The following LCK variants were observed in gnomAD, a reference collection of about 807,000 sequenced individuals.
LCK encodes tyrosine-protein kinase Lck.
A neutral mutation model predicts 64.6 loss-of-function variants in LCK; 14 were observed. The observed-to-expected ratio is 0.22, with a 90% confidence interval of 0.14 to 0.34. The LOEUF (loss-of-function observed/expected upper bound fraction) is 0.34, where lower values mean the gene tolerates loss of function less well. Ranked by LOEUF, LCK falls within the 10% of genes least tolerant of loss-of-function variation. The probability of loss-of-function intolerance (pLI) is 1.00; values close to 1 mark genes in which losing one functional copy is unlikely to be tolerated. For synonymous variants in LCK, 277 were observed against 263.6 expected, an observed-to-expected ratio of 1.05 and a Z score of -0.49; for missense variants, 434 against 668.1, an observed-to-expected ratio of 0.65 and a Z score of 3.86.
Position 32,285,950 on chromosome 1 carries a change from G to A in LCK, c.*234G>A. The stretch of plus-strand genomic sequence containing the variant: ...CATGTATGTCTTGGACACTGTACAA[G>A]GTACCCCTTTCTGGCTCTCCCATTT... On this transcript the variant is annotated 3_prime_UTR_variant, in exon 13 of 13. Transcript: ENST00000336890. 1.8e-6 allele frequency: 1 copy of A among 544,002 alleles called. No homozygotes were observed. Among genetic ancestry groups the A allele is most frequent in the Admixed American group, 3.1e-5 (1 of 32,330 alleles). 33.7% of individuals were successfully genotyped at this position (544,002 alleles called of 1,614,324 possible).
rs772820417 is a variant in LCK at position 32,274,284 on chromosome 1, T to C, written c.-5-41T>C. On this transcript the variant is annotated intron_variant, in intron 1 of 12. Transcript: ENST00000336890. ...TTATATCTGATGTTGGGGGAGCAGA[T>C]CTTGGGGGAGCCCCTTCAGCCCCCT... The C allele has an allele frequency of 4.3e-6, 7 of 1,613,516 alleles. No individual in the cohort carries two copies. The African/African-American group carries it at 6.7e-5, about 15-fold the overall frequency.
chr1:32,274,174 T>G (rs1228180733), intron 1 of LCK, 151 bp from the exon 2 acceptor site: 1 of 1,478,942 alleles, frequency 6.8e-7, no homozygotes, highest in African/African-American at 1.4e-5. Flanking sequence ...GGACCCCCTA[T>G]TTTAGCTTTT....
intron 1 of LCK, among the ~76,000 whole-genome samples, chr1:32,257,656 C>T (rs1298971295): frequency 1.3e-5 from 2 of 152,052 alleles, no homozygotes; most frequent in South Asian, 2.1e-4. Context: ...CTCCCAGAAA[C>T]GTTTATAAAG....
At position 32,274,747 on chromosome 1, in the gene LCK, G is replaced by T; in HGVS notation, c.116G>T (p.Arg39Leu). The T allele has an allele frequency of 1.3e-6, 2 of 1,590,318 alleles. No homozygotes were observed. Among genetic ancestry groups the T allele is most frequent in the Non-Finnish European group, 1.7e-6 (2 of 1,165,876 alleles). Residue 39 changes from arginine to leucine, a missense_variant, in exon 3 of 13, where the codon CGA becomes CTA. Around this residue, in one of 2 missense-constraint regions of LCK, gnomAD observed 233 missense variants for 291.2 expected, o/e 0.80. Transcript: ENST00000336890. ...PLDGKGTLLI[R>L]NGSEVRDPLV... is the part of the protein sequence containing the mutation. ...TCCCCCACTCCACAGCTGCTCATCC[G>T]AAATGGCTCTGAGGTGCGGGACCCA...
In LCK at chr1:32,284,278, G is replaced by GATATATATATCTGTGAGAT. The variant is rs1335005353; in HGVS notation, c.1328-1217_1328-1199dup. On this transcript the variant is annotated intron_variant, in intron 12 of 12. Coordinates refer to ENST00000336890, the MANE Select transcript of LCK (RefSeq NM_005356.5). The stretch of plus-strand genomic sequence containing the variant: ...TATATATATATATATATATCTGTGA[G>GATATATATATCTGTGAGAT]ATATATATATCTGTGAGATATATAT... Among the ~76,000 whole-genome samples the GATATATATATCTGTGAGAT allele has an allele frequency of 2.1e-4, 31 of 145,970 alleles. No homozygotes were observed. The East Asian group carries it at 5.0e-3, about 24-fold the overall frequency.
chr1:32,272,065 CT>C (rs533889876), intron 1 of LCK, among the ~76,000 whole-genome samples: 22 of 152,212 alleles, frequency 1.4e-4, no homozygotes, highest in African/African-American at 5.3e-4. Context: ...AGGAGAATTG[CT>C]TGAGGCCAGG....
At chr1:32,281,573 T>C (rs1273345723) in intron 12 of LCK, among the ~76,000 whole-genome samples, 1 of 152,084 alleles carries the variant, frequency 6.6e-6, no homozygotes, top group Admixed American at 6.6e-5. Context: ...CACCATCTCC[T>C]GGACAAAGCC....
chr1:32,274,970 C>T, intron 3 of LCK, 23 bp from the exon 4 acceptor site: 1 of 1,614,218 alleles, frequency 6.2e-7, no homozygotes, highest in African/African-American at 1.3e-5. Flanking sequence ...CTCGGTTCTC[C>T]CTGATGCCCC....
At chr1:32,280,443 CTTTTTTT>C (rs770430504) in intron 12 of LCK, among the ~76,000 whole-genome samples, 111 of 84,740 alleles carry the variant, frequency 1.3e-3, no homozygotes, top group African/African-American at 4.5e-3. Context: ...TTTTCTTTTT[CTTTTTTT>C]TTTTTTTTTT....
chr1:32,274,738 T>G lies in LCK; in HGVS notation c.107T>G (p.Leu36Arg), dbSNP rs755220816. ...PIVPLDGKGT[L>R]LIRNGSEVRD... ...CCACCCTCATCCCCCACTCCACAGC[T>G]GCTCATCCGAAATGGCTCTGAGGTG... The change falls in exon 3 of 13, where the codon CTG (leucine) becomes CGG (arginine). Residue 36 changes from leucine (L) to arginine (R), a missense_variant and splice_region_variant. Leu to Arg is a moderately radical substitution (Grantham distance 102, BLOSUM62 -2). Transcript: ENST00000336890. 5.7e-6 allele frequency: 9 copies of G among 1,581,976 alleles called. No homozygotes were observed. Among genetic ancestry groups the G allele is most frequent in the Non-Finnish European group, 7.7e-6 (9 of 1,161,648 alleles).
intron 12 of LCK, among the ~76,000 whole-genome samples, chr1:32,283,040 C>A (rs1370813421): frequency 6.6e-6 from 1 of 151,658 alleles, no homozygotes; most frequent in Non-Finnish European, 1.5e-5. Context: ...GCCTGCAACC[C>A]AGCACTTTGG....
chr1:32,274,714 C>A, intron 2 of LCK, 23 bp from the exon 3 acceptor site: 1 of 1,546,554 alleles, frequency 6.5e-7, no homozygotes, highest in Non-Finnish European at 8.8e-7. Flanking sequence ...TTTCTGACCC[C>A]ACCCTCATCC....
At chr1:32,274,477 G>C in intron 2 of LCK, 43 bp downstream of exon 2, 2 of 1,489,990 alleles carry the variant, frequency 1.3e-6, no homozygotes, top group Non-Finnish European at 1.8e-6. Context: ...GTTGGGTAGA[G>C]AATGCAACCC....
At chr1:32,259,086 C>A (rs534560791) in intron 1 of LCK, among the ~76,000 whole-genome samples, 2 of 151,384 alleles carry the variant, frequency 1.3e-5, no homozygotes, top group East Asian at 1.9e-4. Context: ...CAGGACACAT[C>A]CCTGATTTAC....
chr1:32,275,724 G>A lies in LCK; in HGVS notation c.481+52G>A. ...CGCGGGGGTGCCCCGGGGTGTGCCC[G>A]AGGGGGGGCGCAGGGTGAGCCCGAG... On this transcript the variant is annotated intron_variant, in intron 6 of 12. Coordinates refer to ENST00000336890, the MANE Select transcript of LCK (RefSeq NM_005356.5). This position sits in a 1 kb window ranked among gnomAD's most constrained non-coding sequence, Gnocchi z 6.9. 6.7e-7 allele frequency: 1 copy of A among 1,490,720 alleles called. No homozygotes were observed. Among genetic ancestry groups the A allele is most frequent in the African/African-American group, 1.4e-5 (1 of 72,256 alleles). The allele number at this position is 1,490,720 out of a possible 1,614,324, so 92.3% of individuals were successfully genotyped here. A position where few individuals can be genotyped will look rare whatever the true frequency, so the allele number is the denominator to read the frequency against.
chr1:32,283,739 C>T (rs1056941989), intron 12 of LCK, among the ~76,000 whole-genome samples: 1 of 152,080 alleles, frequency 6.6e-6, no homozygotes, highest in African/African-American at 2.4e-5. Context: ...CATTTGGCTT[C>T]GTGATGCAGG....
At position 32,274,359 on chromosome 1, in the gene LCK, A is replaced by T. The variant is rs2124350577; in HGVS notation, c.30A>T (p.Glu10Asp). MGCGCSSHP[E>D]DDWMENIDVC... ...GCTGTGGCTGCAGCTCACACCCGGA[A>T]GATGACTGGATGGAAAACATCGATG... The change falls in exon 2 of 13, where the codon GAA (glutamate) becomes GAT (aspartate). Residue 10 changes from glutamate to aspartate, a missense_variant. By Grantham distance (45) the Glu-to-Asp change is conservative (BLOSUM62 2). This residue lies in a region of LCK where 233 missense variants were observed against 291.2 expected (regional missense o/e 0.80). Coordinates refer to ENST00000336890, the MANE Select transcript of LCK (RefSeq NM_005356.5). 3 of 1,614,176 alleles carry T rather than the reference A, an allele frequency of 1.9e-6. No homozygotes were observed. The highest frequency in any genetic ancestry group is 2.5e-6 in the Non-Finnish European group (3 of 1,180,008).
intron 1 of LCK, chr1:32,269,721 C>G (rs1366653696): frequency 6.6e-6 from 1 of 151,534 alleles, no homozygotes; most frequent in African/African-American, 2.4e-5. Flanking sequence ...CATGAGCCAC[C>G]GCGCCCAGCC....
intron 1 of LCK, among the ~76,000 whole-genome samples, chr1:32,272,032 C>T (rs1191747896): frequency 1.3e-5 from 2 of 152,088 alleles, no homozygotes; most frequent in East Asian, 1.9e-4. Flanking sequence ...GCCTGTAATC[C>T]GAGCACTTTG....
Sources: gnomAD v4.1 joint callset for allele counts (sites outside exome capture counted in the v4.1 genomes callset) on GRCh38, gnomAD v4.1.1 for gene constraint, gnomAD v4.1.1 regional missense constraint, Gnocchi (gnomAD v3.1) non-coding constraint, MANE v1.5 for transcripts, NCBI Gene and HGNC (gene_info 2026-07-23, HGNC 2026-07-21) for gene names.